SV2C: variants seen among roughly 807,000 people sequenced by gnomAD.
SV2C encodes the protein synaptic vesicle glycoprotein 2C, also known as solute carrier family 22 member B3.
A neutral mutation model predicts 79.7 loss-of-function variants in SV2C; 49 were observed. The observed-to-expected ratio is 0.61, with a 90% confidence interval of 0.49 to 0.78. SV2C has a LOEUF of 0.78. Ranked by LOEUF, SV2C falls within the 30% of genes least tolerant of loss-of-function variation. SV2C has a pLI of 0.00. For synonymous variants in SV2C, 334 were observed against 333.2 expected (o/e 1.00, Z -0.03); for missense variants, 833 against 912.9 (o/e 0.91, Z 1.13).
chr5:76,037,418 A>G, the SV2C span, among the ~76,000 whole-genome samples: 90 of 151,968 alleles, frequency 5.9e-4, no homozygotes, highest in African/African-American at 1.7e-3. Context: ...GTACAGATGG[A>G]TTTTTGGTGT....
At chr5:76,002,224 A>T in the SV2C span, among the ~76,000 whole-genome samples, 1 of 151,994 alleles carries the variant, frequency 6.6e-6, no homozygotes, top group African/African-American at 2.4e-5. Flanking sequence ...GTTGACGGGC[A>T]TTTAGGTTGG....
chr5:76,122,931 G>T (rs1048396072), intron 1 of SV2C, among the ~76,000 whole-genome samples: 2 of 152,106 alleles, frequency 1.3e-5, no homozygotes, highest in Non-Finnish European at 2.9e-5. Context: ...GAATCCAGGA[G>T]CTGGTTTTTT....
At chr5:76,169,774 C>T (rs1580323843) in intron 2 of SV2C, among the ~76,000 whole-genome samples, 1 of 152,132 alleles carries the variant, frequency 6.6e-6, no homozygotes, top group Admixed American at 6.5e-5. Context: ...AGAAAGGCAG[C>T]CCTCGAGGAA....
the SV2C span, among the ~76,000 whole-genome samples, chr5:75,920,357 A>G: frequency 6.6e-6 from 1 of 152,250 alleles, no homozygotes. Flanking sequence ...ATAATCAGGC[A>G]GGAGAAAAAC....
At chr5:76,095,026 C>T (rs890944618) in intron 1 of SV2C, among the ~76,000 whole-genome samples, 33 of 151,330 alleles carry the variant, frequency 2.2e-4, no homozygotes, top group Non-Finnish European at 4.6e-4. Context: ...ACCAAAAAGC[C>T]CAAGGTTATA....
At chr5:76,238,713 A>G (rs1157873037) in intron 4 of SV2C, among the ~76,000 whole-genome samples, 4 of 152,090 alleles carry the variant, frequency 2.6e-5, no homozygotes, top group African/African-American at 9.7e-5. Context: ...TTAGAAGACT[A>G]TTTTCTGTGA....
At chr5:75,872,872 C>T in the SV2C span, among the ~76,000 whole-genome samples, 1 of 151,768 alleles carries the variant, frequency 6.6e-6, no homozygotes, top group Non-Finnish European at 1.5e-5. Flanking sequence ...AACAAACCTG[C>T]ATGTTGTGCA....
At chr5:76,097,450 T>C (rs147073398) in intron 1 of SV2C, among the ~76,000 whole-genome samples, 2 of 152,338 alleles carry the variant, frequency 1.3e-5, no homozygotes, top group East Asian at 3.9e-4. Flanking sequence ...CCTGTATTTG[T>C]CTACATTGGC....
chr5:76,222,368 C>T (rs1266446453), intron 4 of SV2C, among the ~76,000 whole-genome samples: 2 of 151,946 alleles, frequency 1.3e-5, no homozygotes, highest in African/African-American at 4.8e-5. Flanking sequence ...AAAGGCCAAT[C>T]TCAAAAGGCA....
the SV2C span, among the ~76,000 whole-genome samples, chr5:75,993,122 T>C: frequency 0.012 from 1,886 of 152,148 alleles, 36 homozygotes; most frequent in African/African-American, 0.043. Flanking sequence ...ATAGAGTATT[T>C]TAGAGAAATA....
the SV2C span, among the ~76,000 whole-genome samples, chr5:76,013,949 T>C: frequency 5.3e-5 from 8 of 152,154 alleles, no homozygotes; most frequent in Non-Finnish European, 1.2e-4. Context: ...AGTCCATTTT[T>C]GTTGTTTATA....
At chr5:75,965,409 C>A in the SV2C span, among the ~76,000 whole-genome samples, 5 of 152,072 alleles carry the variant, frequency 3.3e-5, no homozygotes, top group Admixed American at 2.0e-4. Flanking sequence ...GTCATTAGGG[C>A]GAGTCATTGT....
intron 4 of SV2C, among the ~76,000 whole-genome samples, chr5:76,273,125 A>G (rs1267526978): frequency 6.7e-6 from 1 of 148,244 alleles, no homozygotes; most frequent in Non-Finnish European, 1.5e-5. Flanking sequence ...ATAAATTTGC[A>G]TAAAAATCTT....
the SV2C span, among the ~76,000 whole-genome samples, chr5:75,900,522 G>A: frequency 6.2e-3 from 937 of 152,136 alleles, 5 homozygotes; most frequent in Non-Finnish European, 0.01. Context: ...CAACTTTGGC[G>A]AATCTGACAA....
At chr5:75,934,339 T>C in the SV2C span, among the ~76,000 whole-genome samples, 3 of 132,428 alleles carry the variant, frequency 2.3e-5, no homozygotes, top group East Asian at 7.2e-4. Context: ...TGGGCTGGAG[T>C]GCAATGGCGC....
intron 2 of SV2C, among the ~76,000 whole-genome samples, chr5:76,175,740 T>C (rs1350977436): frequency 1.3e-5 from 2 of 152,200 alleles, no homozygotes; most frequent in Non-Finnish European, 2.9e-5. Context: ...CAGCTGAAAT[T>C]AGAACTTTCT....
the SV2C span, among the ~76,000 whole-genome samples, chr5:75,925,820 C>T: frequency 3.7e-4 from 56 of 152,042 alleles, no homozygotes; most frequent in South Asian, 0.011. Flanking sequence ...ATAGAATCTA[C>T]CTCTATGCAG....
intron 4 of SV2C, among the ~76,000 whole-genome samples, chr5:76,269,072 A>G (rs1019488385): frequency 3.9e-5 from 6 of 152,218 alleles, no homozygotes; most frequent in African/African-American, 1.4e-4. Context: ...ACTAGTTCAC[A>G]GCAAGATTTC....
intron 4 of SV2C, among the ~76,000 whole-genome samples, chr5:76,232,016 G>A (rs1045894662): frequency 6.2e-5 from 9 of 145,672 alleles, no homozygotes; most frequent in Non-Finnish European, 1.0e-4. Flanking sequence ...TCGTCACACC[G>A]ACTTCCACAA....
Sources: gnomAD v4.1 joint callset for allele counts (sites outside exome capture counted in the v4.1 genomes callset) on GRCh38, gnomAD v4.1.1 for gene constraint, MANE v1.5 for transcripts, NCBI Gene and HGNC (gene_info 2026-07-23, HGNC 2026-07-21) for gene names.